The following PCYOX1 variants were observed in gnomAD, a reference collection of about 807,000 sequenced individuals.
PCYOX1 encodes prenylcysteine lyase.
PCYOX1 carries 46 observed loss-of-function variants against 46.4 expected under a neutral mutation model. The observed-to-expected ratio is 0.99, with a 90% CI of 0.78 to 1.27. PCYOX1 has a LOEUF of 1.27. Ranked by LOEUF, PCYOX1 falls within the 50% of genes most tolerant of loss-of-function variation. The pLI is 0.00. For synonymous variants in PCYOX1, 220 were observed against 231.8 expected, an observed-to-expected ratio of 0.95 and a Z score of 0.46; for missense variants, 658 against 628.3, an observed-to-expected ratio of 1.05 and a Z score of -0.51.
intron 3 of PCYOX1, among the ~76,000 whole-genome samples, chr2:70,266,306 G>T (rs545364542): frequency 1.3e-3 from 194 of 152,174 alleles, no homozygotes; most frequent in South Asian, 0.01. Flanking sequence ...GAAGGGGTGT[G>T]CGTCCACGAG....
In PCYOX1 at chr2:70,279,072, T is replaced by G. The variant is rs940500195; in HGVS notation, c.*1680T>G. On this transcript the variant is annotated 3_prime_UTR_variant, in exon 6 of 6. Coordinates refer to ENST00000433351, the MANE Select transcript of PCYOX1 (RefSeq NM_016297.4). ...ATGATCATGCCACTGTACTCCAGCC[T>G]GGGCAACAGAGACCATCTTAAAAAA... 8 of 151,938 alleles carry G rather than the reference T, an allele frequency of 5.3e-5. No homozygotes were observed. Among genetic ancestry groups the G allele is most frequent in the African/African-American group, 9.7e-5 (4 of 41,360 alleles). 9.4% of individuals were successfully genotyped at this position (151,938 alleles called of 1,614,324 possible).
At chr2:70,268,958 CT>C (rs1222668339) in intron 3 of PCYOX1, among the ~76,000 whole-genome samples, 1 of 152,010 alleles carries the variant, frequency 6.6e-6, no homozygotes, top group Non-Finnish European at 1.5e-5. Context: ...AGAAATAAAA[CT>C]TTTTTTGTTT....
chr2:70,270,639 C>T (rs1226884904), intron 3 of PCYOX1, among the ~76,000 whole-genome samples: 1 of 152,222 alleles, frequency 6.6e-6, no homozygotes, highest in Non-Finnish European at 1.5e-5. Context: ...ATCCTCATCT[C>T]CTTCGGGTCT....
chr2:70,258,039 C>G, upstream of PCYOX1: 1 of 674,464 alleles, frequency 1.5e-6, no homozygotes, highest in South Asian at 2.4e-5. Flanking sequence ...GGGCGGGGCT[C>G]GCAGGACCTG....
rs1055383142 is a variant in PCYOX1 at position 70,279,127 on chromosome 2, A to G, written c.*1735A>G. On this transcript the variant is annotated 3_prime_UTR_variant, in exon 6 of 6. Transcript: ENST00000433351. The stretch of plus-strand genomic sequence containing the variant: ...AATCCTTCCATTGAATAGAAACTTC[A>G]AAGTCCTTCATCAGATCATGGCATT... 2.0e-5 allele frequency: 3 copies of G among 152,126 alleles called. No homozygotes were observed. Among genetic ancestry groups the G allele is most frequent in the African/African-American group, 7.2e-5 (3 of 41,434 alleles). The allele number at this position is 152,126 out of a possible 1,614,324, so 9.4% of individuals were successfully genotyped here.
chr2:70,277,202 A>C lies in PCYOX1; in HGVS notation c.1328A>C (p.Glu443Ala), dbSNP rs1296562581. 6.2e-7 allele frequency: 1 copy of C among 1,614,016 alleles called. No homozygotes were observed. Among genetic ancestry groups the C allele is most frequent in the Non-Finnish European group, 8.5e-7 (1 of 1,180,024 alleles). ...WLAYPHYKPPEKCPSIILHDR... is the reference protein window; with the variant it reads ...WLAYPHYKPPAKCPSIILHDR... Reference sequence around the variant, plus strand: ...GCATATCCTCACTATAAGCCCCCGGAGAAATGCCCCTCTATCATTCTCCAT... The same window carrying C: ...GCATATCCTCACTATAAGCCCCCGGCGAAATGCCCCTCTATCATTCTCCAT... Residue 443 changes from glutamate to alanine, a missense_variant, in exon 6 of 6, where the codon GAG becomes GCG. Glu to Ala is a moderately radical substitution (Grantham distance 107, BLOSUM62 -1). Transcript: ENST00000433351.
At chr2:70,269,547 G>T (rs770209261) in intron 3 of PCYOX1, among the ~76,000 whole-genome samples, 17 of 152,120 alleles carry the variant, frequency 1.1e-4, no homozygotes, top group Non-Finnish European at 1.9e-4. Flanking sequence ...ATGATGGCCA[G>T]GCTGGTCTCG....
chr2:70,268,842 G>A (rs1380708450), intron 3 of PCYOX1, among the ~76,000 whole-genome samples: 2 of 150,720 alleles, frequency 1.3e-5, no homozygotes, highest in Non-Finnish European at 2.9e-5. Flanking sequence ...AAGACCATGT[G>A]AGGACACAGC....
At chr2:70,260,379 A>G (rs763436833) in intron 2 of PCYOX1, among the ~76,000 whole-genome samples, 8 of 152,136 alleles carry the variant, frequency 5.3e-5, no homozygotes, top group Non-Finnish European at 1.2e-4. Flanking sequence ...TCCTGTCTTT[A>G]CTAAAAATAA....
intron 3 of PCYOX1, among the ~76,000 whole-genome samples, chr2:70,267,498 A>C (rs1042391788): frequency 6.6e-6 from 1 of 152,142 alleles, no homozygotes; most frequent in Non-Finnish European, 1.5e-5. Flanking sequence ...AGCCTGGGCA[A>C]CATTGAGCAC....
At chr2:70,271,042 T>A (rs1486468851) in intron 3 of PCYOX1, among the ~76,000 whole-genome samples, 10 of 152,068 alleles carry the variant, frequency 6.6e-5, no homozygotes, top group Non-Finnish European at 1.2e-4. Context: ...TATATTTTTT[T>A]AAAAATTATT....
intron 3 of PCYOX1, among the ~76,000 whole-genome samples, chr2:70,267,247 C>T (rs1268713960): frequency 1.3e-5 from 2 of 151,230 alleles, no homozygotes; most frequent in South Asian, 4.2e-4. Flanking sequence ...CGGGCAGAGA[C>T]GCTCCTCACT....
In PCYOX1 at chr2:70,267,686, G is replaced by A. The variant is rs1393787228; in HGVS notation, c.494+6300G>A. Reference sequence around the variant, plus strand: ...CGCCTGCAATCCCAGGCACTTGGCAGGCTGAAGCAGGAGAATCAGGCAGGG... The same window carrying A: ...CGCCTGCAATCCCAGGCACTTGGCAAGCTGAAGCAGGAGAATCAGGCAGGG... On this transcript the variant is annotated intron_variant, in intron 3 of 5. Coordinates refer to ENST00000433351, the MANE Select transcript of PCYOX1 (RefSeq NM_016297.4). Among the ~76,000 whole-genome samples, 3 of 152,084 alleles carry A rather than the reference G, an allele frequency of 2.0e-5. No individual in the cohort carries two copies. The East Asian group carries it at 5.8e-4, about 29-fold the overall frequency.
At chr2:70,260,654 A>G (rs1696422605) in intron 2 of PCYOX1, among the ~76,000 whole-genome samples, 1 of 152,266 alleles carries the variant, frequency 6.6e-6, no homozygotes, top group Non-Finnish European at 1.5e-5. Context: ...TGGATAGGTC[A>G]TGGGGAAAGT....
chr2:70,276,226 A>C (rs1045218769), intron 5 of PCYOX1, among the ~76,000 whole-genome samples: 2 of 148,390 alleles, frequency 1.3e-5, no homozygotes, highest in African/African-American at 5.0e-5. Context: ...GCCGGACTGT[A>C]GTGGCCTATC....
In PCYOX1 at chr2:70,277,275, G is replaced by A. The variant is rs1696686130; in HGVS notation, c.1401G>A (p.Met467Ile). The change falls in exon 6 of 6, where the codon ATG (methionine) becomes ATA (isoleucine). Residue 467 changes from methionine (M) to isoleucine (I), a missense_variant. Transcript: ENST00000433351. ...GCATAGAGTGTGCAGCAAGTGCCAT[G>A]GAGATGAGTGCCATTGCAGCCCACA... The part of the protein sequence containing the change: ...LNGIECAASA[M>I]EMSAIAAHNA... The A allele has an allele frequency of 6.2e-7, 1 of 1,614,078 alleles. No homozygotes were observed. The highest frequency in any genetic ancestry group is 2.2e-5 in the East Asian group (1 of 44,888).
At chr2:70,259,959 G>C (rs1296086158) in intron 2 of PCYOX1, among the ~76,000 whole-genome samples, 1 of 152,098 alleles carries the variant, frequency 6.6e-6, no homozygotes, top group African/African-American at 2.4e-5. Context: ...GGGATTACAG[G>C]TGCCTGCCAC....
In PCYOX1 at chr2:70,277,434, T is replaced by A; in HGVS notation, c.*42T>A. 7 of 1,478,156 alleles carry A rather than the reference T, an allele frequency of 4.7e-6. No homozygotes were observed. Among genetic ancestry groups the A allele is most frequent in the Non-Finnish European group, 6.4e-6 (7 of 1,090,092 alleles). 91.6% of individuals were successfully genotyped at this position (1,478,156 alleles called of 1,614,324 possible). A position where few individuals can be genotyped will look rare whatever the true frequency, so the allele number is the denominator to read the frequency against. On this transcript the variant is annotated 3_prime_UTR_variant, in exon 6 of 6. Coordinates refer to ENST00000433351, the MANE Select transcript of PCYOX1 (RefSeq NM_016297.4). The stretch of plus-strand genomic sequence containing the variant: ...TTCCCCTCCTAGTTCCAAATGACTA[T>A]CAGTGGCAAAAAAGAACAAAATCTG...
intron 3 of PCYOX1, among the ~76,000 whole-genome samples, chr2:70,268,056 G>A (rs76185979): frequency 0.062 from 9,420 of 151,996 alleles, 377 homozygotes; most frequent in East Asian, 0.18. Context: ...TGATCCACCC[G>A]CCTCAGCCTC....
Sources: allele counts gnomAD v4.1 joint callset (sites outside exome capture counted in the v4.1 genomes callset), GRCh38; gene constraint gnomAD v4.1.1; transcripts MANE v1.5; gene names NCBI Gene and HGNC (gene_info 2026-07-23, HGNC 2026-07-21).